The following PTTG1IP variants were observed in gnomAD, a reference collection of about 807,000 sequenced individuals.
PTTG1IP encodes the protein PTTG1 interacting protein, also known as pituitary tumor-transforming gene 1 protein-interacting protein.
PTTG1IP carries 16 observed loss-of-function variants against 24.4 expected under a neutral mutation model. That is an observed-to-expected ratio of 0.66 (90% CI 0.44 to 1.00). The LOEUF (loss-of-function observed/expected upper bound fraction) is 1.00. Among genes scored for constraint, PTTG1IP ranks in the 50% least tolerant of loss-of-function variants. PTTG1IP has a pLI of 0.00. For synonymous variants in PTTG1IP, 89 were observed against 96.8 expected, an observed-to-expected ratio of 0.92 and a Z score of 0.47; for missense variants, 241 against 245.8, an observed-to-expected ratio of 0.98 and a Z score of 0.13.
intron 5 of PTTG1IP, among the ~76,000 whole-genome samples, chr21:44,854,992 T>G (rs1318552379): frequency 6.6e-6 from 1 of 152,186 alleles, no homozygotes; most frequent in East Asian, 1.9e-4. Flanking sequence ...AAAACAGACT[T>G]CATGAAGACG....
rs2083405640 is a variant in PTTG1IP at position 44,850,888 on chromosome 21, G to T, written c.*693C>A. On this transcript the variant is annotated 3_prime_UTR_variant, in exon 6 of 6. Coordinates refer to ENST00000330938, the MANE Select transcript of PTTG1IP (RefSeq NM_004339.4). ...AGTAAAGATACAAATTTTAAAAATT[G>T]TCCAAAAAGGGCCTGAATTTTTATA... 1 of 152,966 alleles carries T rather than the reference G, an allele frequency of 6.5e-6. No individual in the cohort carries two copies. Among genetic ancestry groups the T allele is most frequent in the Admixed American group, 6.5e-5 (1 of 15,342 alleles). 9.5% of individuals were successfully genotyped at this position (152,966 alleles called of 1,614,324 possible).
intron 1 of PTTG1IP, among the ~76,000 whole-genome samples, chr21:44,868,018 C>G (rs1353000349): frequency 2.6e-5 from 4 of 152,220 alleles, no homozygotes; most frequent in Admixed American, 2.0e-4. Context: ...GTACTTTTCT[C>G]AGAGTCTCTA....
intron 1 of PTTG1IP, among the ~76,000 whole-genome samples, chr21:44,867,738 G>C (rs1174044340): frequency 6.6e-6 from 1 of 152,248 alleles, no homozygotes; most frequent in African/African-American, 2.4e-5. Context: ...GGCTGAAGTG[G>C]CGGGTATACA....
At chr21:44,859,407 T>C (rs183635932) in intron 3 of PTTG1IP, among the ~76,000 whole-genome samples, 1 of 151,722 alleles carries the variant, frequency 6.6e-6, no homozygotes, top group Non-Finnish European at 1.5e-5. Flanking sequence ...GTGTGCATTA[T>C]GTAGGCTATA....
At position 44,873,655 on chromosome 21, in the gene PTTG1IP, A is replaced by T; in HGVS notation, c.-39T>A. The T allele has an allele frequency of 7.5e-7, 1 of 1,335,252 alleles. No homozygotes were observed. Among genetic ancestry groups the T allele is most frequent in the Non-Finnish European group, 9.6e-7 (1 of 1,039,768 alleles). 82.7% of individuals were successfully genotyped at this position (1,335,252 alleles called of 1,614,324 possible). A position where few individuals can be genotyped will look rare whatever the true frequency, so the allele number is the denominator to read the frequency against. ...CTCTATCAGTCAGTGGAGCGTTACA[A>T]CTCCGACTCCAGCACAAGCGGTCTC... On this transcript the variant is annotated 5_prime_UTR_variant, in exon 1 of 6. It adds an upstream start codon to the 5' untranslated region. Transcript: ENST00000330938.
chr21:44,869,381 A>C (rs1392347097), intron 1 of PTTG1IP, among the ~76,000 whole-genome samples: 1 of 152,238 alleles, frequency 6.6e-6, no homozygotes, highest in Non-Finnish European at 1.5e-5. Context: ...TGTAGAGATA[A>C]AGGGTCACAA....
chr21:44,873,538 T>C lies in PTTG1IP; in HGVS notation c.79A>G (p.Ile27Val). The change falls in exon 1 of 6, where the codon ATC becomes GTC. Residue 27 changes from isoleucine (I) to valine (V), a missense_variant. Physicochemically the swap from Ile to Val is conservative, Grantham distance 29. Coordinates refer to ENST00000330938, the MANE Select transcript of PTTG1IP (RefSeq NM_004339.4). ...LGGAALLLLLIPVAAAQEPPG... is the reference protein window; with the variant it reads ...LGGAALLLLLVPVAAAQEPPG... Reference sequence around the variant, plus strand: ...GGCTCCTGCGCGGCGGCCACCGGGATGAGCAGCAGGAGCAGCGCGGCGCCA... The same window carrying C: ...GGCTCCTGCGCGGCGGCCACCGGGACGAGCAGCAGGAGCAGCGCGGCGCCA... 1.4e-6 allele frequency: 2 copies of C among 1,458,294 alleles called. No individual in the cohort carries two copies. Among genetic ancestry groups the C allele is most frequent in the East Asian group, 3.1e-5 (1 of 32,526 alleles). The allele number at this position is 1,458,294 out of a possible 1,614,324, so 90.3% of individuals were successfully genotyped here.
At chr21:44,873,227 G>C (rs960335145) in intron 1 of PTTG1IP, among the ~76,000 whole-genome samples, 1 of 152,244 alleles carries the variant, frequency 6.6e-6, no homozygotes, top group Admixed American at 6.5e-5. Flanking sequence ...GCCAACCCGA[G>C]GCCACGCGCG....
chr21:44,849,987 C>T lies in PTTG1IP; in HGVS notation c.*1594G>A, dbSNP rs569288688. 6.6e-6 allele frequency: 1 copy of T among 152,324 alleles called. No individual in the cohort carries two copies. The highest frequency in any genetic ancestry group is 1.5e-5 in the Non-Finnish European group (1 of 68,038). The allele number at this position is 152,324 out of a possible 1,614,324, so 9.4% of individuals were successfully genotyped here. ...CTACAAATACAAATGCCCAAGAGGT[C>T]AGGGAAATCAGCCTGAAGAACTGGG... On this transcript the variant is annotated 3_prime_UTR_variant, in exon 6 of 6. Transcript: ENST00000330938.
At chr21:44,851,740 C>T (rs1444025301) in intron 5 of PTTG1IP, 113 bp from the exon 6 acceptor site, 21 of 1,349,518 alleles carry the variant, frequency 1.6e-5, no homozygotes, top group African/African-American at 1.5e-4. Context: ...ATAGCAACAA[C>T]GGGCATTGTA....
chr21:44,859,387 A>G (rs2083473596), intron 3 of PTTG1IP, among the ~76,000 whole-genome samples: 2 of 152,210 alleles, frequency 1.3e-5, no homozygotes, highest in South Asian at 4.1e-4. Flanking sequence ...GAATATATGT[A>G]CGCACACACG....
intron 3 of PTTG1IP, among the ~76,000 whole-genome samples, chr21:44,859,590 T>C (rs235324): frequency 0.66 from 100,002 of 152,096 alleles, 33,647 homozygotes; most frequent in African/African-American, 0.81. Flanking sequence ...AGAACAGGTG[T>C]TCCAAAGGGC....
intron 5 of PTTG1IP, among the ~76,000 whole-genome samples, chr21:44,852,186 T>A (rs1027736656): frequency 2.7e-4 from 41 of 151,724 alleles, no homozygotes; most frequent in Middle Eastern, 6.8e-3. Context: ...TCCCTTTATT[T>A]TTTATTTTTT....
chr21:44,860,445 T>C (rs998603375), intron 3 of PTTG1IP, among the ~76,000 whole-genome samples: 3 of 130,790 alleles, frequency 2.3e-5, no homozygotes, highest in South Asian at 2.5e-4. Context: ...CAAAATCAAA[T>C]ATACAAAGAT....
chr21:44,868,183 A>T (rs1460595756), intron 1 of PTTG1IP, among the ~76,000 whole-genome samples: 1 of 152,214 alleles, frequency 6.6e-6, no homozygotes, highest in African/African-American at 2.4e-5. Context: ...GGGTTACAGG[A>T]AACTTTGATA....
chr21:44,865,531 G>A, intron 1 of PTTG1IP, 84 bp from the exon 2 acceptor site: 1 of 1,372,026 alleles, frequency 7.3e-7, no homozygotes, highest in Non-Finnish European at 1.0e-6. Context: ...GTGGGCACCA[G>A]TGAGGGGTGT....
At chr21:44,871,312 C>T (rs912869372) in intron 1 of PTTG1IP, among the ~76,000 whole-genome samples, 3 of 152,156 alleles carry the variant, frequency 2.0e-5, no homozygotes, top group African/African-American at 7.2e-5. Flanking sequence ...CCCACCACCT[C>T]GGGGACCTGC....
chr21:44,868,660 C>G (rs8127305), intron 1 of PTTG1IP, among the ~76,000 whole-genome samples: 10,060 of 152,212 alleles, frequency 0.066, 1,125 homozygotes, highest in African/African-American at 0.23. Context: ...CCCCTAGAAG[C>G]CACACTGACA....
At chr21:44,851,874 G>A (rs973517347) in intron 5 of PTTG1IP, among the ~76,000 whole-genome samples, 25 of 152,214 alleles carry the variant, frequency 1.6e-4, no homozygotes, top group Non-Finnish European at 3.1e-4. Context: ...CTTACTTCCT[G>A]ATGCTCGGCG....
Sources: allele counts gnomAD v4.1 joint callset (sites outside exome capture counted in the v4.1 genomes callset), GRCh38; gene constraint gnomAD v4.1.1; transcripts MANE v1.5; gene names NCBI Gene and HGNC (gene_info 2026-07-23, HGNC 2026-07-21).